Variants in MDN1 observed in about 807,000 individuals in gnomAD.
MDN1 encodes midasin AAA ATPase 1, also known as midasin.
In MDN1, 266 loss-of-function variants were observed where a neutral mutation model predicts 669.2. The ratio of observed to expected loss-of-function variants is 0.40; its 90% CI spans 0.36 to 0.44. The LOEUF is 0.44. MDN1 is among the 20% of genes least tolerant of loss of function. MDN1 has a pLI of 1.00. For synonymous variants in MDN1, 2,385 were observed against 2,457.1 expected, an observed-to-expected ratio of 0.97 and a Z score of 0.87; for missense variants, 5,940 against 6,754.0, an observed-to-expected ratio of 0.88 and a Z score of 4.22.
intron 7 of MDN1, among the ~76,000 whole-genome samples, chr6:89,789,032 G>A (rs570092980): frequency 6.6e-6 from 1 of 152,106 alleles, no homozygotes; most frequent in South Asian, 2.1e-4. Context: ...GCTGAGGCAG[G>A]AGAATTGCTG....
At chr6:89,733,589 T>G (rs1366640710) in intron 33 of MDN1, among the ~76,000 whole-genome samples, 1 of 151,340 alleles carries the variant, frequency 6.6e-6, no homozygotes, top group Non-Finnish European at 1.5e-5. Flanking sequence ...CTATATAGAT[T>G]GTGATTTAGA....
In MDN1 at chr6:89,775,816, G is replaced by A. The variant is rs1818327978; in HGVS notation, c.1821+784C>T. On this transcript the variant is annotated intron_variant, in intron 12 of 101. Coordinates refer to ENST00000369393, the MANE Select transcript of MDN1 (RefSeq NM_014611.3). Reference sequence around the variant, plus strand: ...TTCTCCTGCTTCAGCCTCCCGAGTAGCTGGGATTACAGGCATGTGCCACCA... The same window carrying A: ...TTCTCCTGCTTCAGCCTCCCGAGTAACTGGGATTACAGGCATGTGCCACCA... Among the ~76,000 whole-genome samples the A allele has an allele frequency of 2.6e-5, 4 of 152,124 alleles. No individual in the cohort carries two copies. In the South Asian group the frequency reaches 8.3e-4, roughly 31 times the overall value.
chr6:89,800,687 G>T (rs1377971832), intron 2 of MDN1, among the ~76,000 whole-genome samples: 1 of 152,156 alleles, frequency 6.6e-6, no homozygotes, highest in Non-Finnish European at 1.5e-5. Context: ...CAAACCTGAA[G>T]AGGTGAGTCA....
intron 93 of MDN1, 81 bp downstream of exon 93, chr6:89,654,083 C>T (rs1809077086): frequency 2.0e-6 from 3 of 1,475,394 alleles, no homozygotes; most frequent in Non-Finnish European, 2.8e-6. Context: ...GAACTGAACA[C>T]CAGACTAGAT....
chr6:89,722,888 C>T, intron 40 of MDN1, 67 bp downstream of exon 40: 1 of 1,400,080 alleles, frequency 7.1e-7, no homozygotes, highest in Non-Finnish European at 9.8e-7. Context: ...TAGTGTATGT[C>T]CTTTCTCACC....
At chr6:89,724,265 T>C (rs1390516992) in intron 38 of MDN1, among the ~76,000 whole-genome samples, 1 of 152,242 alleles carries the variant, frequency 6.6e-6, no homozygotes, top group Non-Finnish European at 1.5e-5. Flanking sequence ...TTCCATATGT[T>C]TGAAAGTTTT....
rs2128306004 is a variant in MDN1 at position 89,680,748 on chromosome 6, T to C, written c.12106A>G (p.Thr4036Ala). ...LLAQPAAGQA[T>A]IPEWCQGAAP... ...GCGCCCTGACACCACTCTGGAATTG[T>C]GGCCTGTGAGACAAAAGACAGGTTA... Residue 4036 changes from threonine to alanine, a missense_variant, in exon 74 of 102, where the codon ACA becomes GCA. Physicochemically the swap from Thr to Ala is moderately conservative, Grantham distance 58 (BLOSUM62 0). This residue lies in a region of MDN1 where 2,280 missense variants were observed against 2,576.3 expected (regional missense o/e 0.88). Coordinates refer to ENST00000369393, the MANE Select transcript of MDN1 (RefSeq NM_014611.3). 6.2e-7 allele frequency: 1 copy of C among 1,613,700 alleles called. No homozygotes were observed. Among genetic ancestry groups the C allele is most frequent in the East Asian group, 2.2e-5 (1 of 44,874 alleles).
Position 89,762,405 on chromosome 6 carries a change from C to G in MDN1, c.2270G>C (p.Arg757Thr), listed in dbSNP as rs1346145448. The change falls in exon 16 of 102, where the codon AGA (arginine) becomes ACA (threonine). Residue 757 changes from arginine to threonine, a missense_variant. Physicochemically the swap from Arg to Thr is moderately conservative, Grantham distance 71 (BLOSUM62 -1). Around this residue, in one of 5 missense-constraint regions of MDN1, gnomAD observed 1,203 missense variants for 1,268.9 expected, o/e 0.95. Transcript: ENST00000369393. Reference sequence around the variant, plus strand: ...CAGGAGATCATGCCACCGTTTCTGTCTGTAACAGGTCTGAATGTGCCCCAA... The same window carrying G: ...CAGGAGATCATGCCACCGTTTCTGTGTGTAACAGGTCTGAATGTGCCCCAA... ...TFLGHIQTCY[R>T]QKRWHDLLRL... 6.2e-7 allele frequency: 1 copy of G among 1,614,154 alleles called. No homozygotes were observed. Among genetic ancestry groups the G allele is most frequent in the East Asian group, 2.2e-5 (1 of 44,880 alleles).
rs755940839 is a variant in MDN1 at position 89,743,255 on chromosome 6, A to G, written c.4343T>C (p.Phe1448Ser). The G allele has an allele frequency of 2.5e-6, 4 of 1,614,018 alleles. No homozygotes were observed. The highest frequency in any genetic ancestry group is 2.2e-5 in the South Asian group (2 of 91,080). Residue 1448 changes from phenylalanine (F) to serine (S), a missense_variant, in exon 31 of 102, where the codon TTT becomes TCT. Around this residue, in one of 5 missense-constraint regions of MDN1, gnomAD observed 2,292 missense variants for 2,638.3 expected, o/e 0.87. Transcript: ENST00000369393. ...DKEEIDTSRL[F>S]EWHDGPLVQA... ...AACCAGAGGCCCATCATGCCACTCA[A>G]AGAGTCTTGATGTGTCAATTTCTTC...
chr6:89,748,950 A>C (rs1301326816), intron 26 of MDN1, among the ~76,000 whole-genome samples: 1 of 151,972 alleles, frequency 6.6e-6, no homozygotes, highest in Non-Finnish European at 1.5e-5. Context: ...CCAGCTACTA[A>C]GGAGTGAGTA....
At position 89,675,323 on chromosome 6, in the gene MDN1, C is replaced by A. The variant is rs1416983925; in HGVS notation, c.12761+141G>T. 5 of 679,288 alleles carry A rather than the reference C, an allele frequency of 7.4e-6. No individual in the cohort carries two copies. The Admixed American group carries it at 1.4e-4, about 19-fold the overall frequency. 42.1% of individuals were successfully genotyped at this position (679,288 alleles called of 1,614,324 possible). On this transcript the variant is annotated intron_variant, in intron 78 of 101. Transcript: ENST00000369393. ...AAGCAAGGGGCAGAGCTGGGAGAAA[C>A]CCTACCTGCCTCTTTGGGCCTTAAA...
At chr6:89,680,475 C>T (rs1811532723) in intron 74 of MDN1, 114 bp downstream of exon 74, 2 of 1,260,374 alleles carry the variant, frequency 1.6e-6, no homozygotes, top group Middle Eastern at 2.2e-4. Context: ...ATTCAATCAA[C>T]TGTTCAACAC....
chr6:89,756,436 C>T, intron 19 of MDN1, 46 bp from the exon 20 acceptor site: 1 of 893,400 alleles, frequency 1.1e-6, no homozygotes, highest in Non-Finnish European at 1.7e-6. Flanking sequence ...GTTAATATAA[C>T]TATGTTGACA....
At chr6:89,703,741 G>A (rs1306278032) in intron 53 of MDN1, among the ~76,000 whole-genome samples, 3 of 152,076 alleles carry the variant, frequency 2.0e-5, no homozygotes, top group Admixed American at 6.6e-5. Context: ...GGCCAGGTGC[G>A]GTGGTTCATA....
intron 5 of MDN1, among the ~76,000 whole-genome samples, chr6:89,792,648 T>A (rs1475397861): frequency 6.6e-6 from 1 of 151,600 alleles, no homozygotes; most frequent in Non-Finnish European, 1.5e-5. Flanking sequence ...ACAATGTGCA[T>A]TTTCCTATAT....
At chr6:89,675,908 T>A in intron 77 of MDN1, 194 bp downstream of exon 77, 1 of 568,388 alleles carries the variant, frequency 1.8e-6, no homozygotes, top group East Asian at 2.9e-5. Context: ...CAAGTGTAAC[T>A]GAATTTATTT....
intron 11 of MDN1, among the ~76,000 whole-genome samples, chr6:89,777,285 T>C (rs184504824): frequency 1.6e-4 from 24 of 152,308 alleles, no homozygotes; most frequent in Non-Finnish European, 2.9e-5. Context: ...GATAAAACAA[T>C]GTAAAGGACA....
intron 11 of MDN1, among the ~76,000 whole-genome samples, chr6:89,779,554 A>C (rs183472641): frequency 3.9e-5 from 6 of 152,318 alleles, no homozygotes; most frequent in Admixed American, 6.5e-5. Context: ...ATAGTTACAA[A>C]TTTATCAAAC....
At chr6:89,732,488 TG>T in intron 34 of MDN1, 68 bp downstream of exon 34, 1 of 1,369,112 alleles carries the variant, frequency 7.3e-7, no homozygotes, top group Non-Finnish European at 1.0e-6. Context: ...GTCAGAGGCC[TG>T]GGCTTGCTCC....
Sources: gnomAD v4.1 joint callset for allele counts (sites outside exome capture counted in the v4.1 genomes callset) on GRCh38, gnomAD v4.1.1 for gene constraint, gnomAD v4.1.1 regional missense constraint, MANE v1.5 for transcripts, NCBI Gene and HGNC (gene_info 2026-07-23, HGNC 2026-07-21) for gene names.